Variants in CRYBA4 observed in about 807,000 individuals in gnomAD.
CRYBA4 encodes the protein crystallin beta A4.
In CRYBA4, 30 loss-of-function variants were observed where a neutral mutation model predicts 31.7. The observed-to-expected ratio is 0.95, with a 90% confidence interval of 0.71 to 1.28. CRYBA4 has a LOEUF of 1.28. Among genes scored for constraint, CRYBA4 ranks in the 50% most tolerant of loss-of-function variants. CRYBA4 has a pLI of 0.00. For synonymous variants in CRYBA4, 102 were observed against 102.3 expected (o/e 1.00, Z 0.02); for missense variants, 225 against 260.7 (o/e 0.86, Z 0.94).
intron 5 of CRYBA4, 52 bp downstream of exon 5, chr22:26,628,482 A>G (rs975187653): frequency 8.1e-6 from 13 of 1,605,468 alleles, no homozygotes; most frequent in Non-Finnish European, 1.1e-5. Context: ...TGGGAGGGGT[A>G]GGTGTACCTC....
the CRYBA4 span, among the ~76,000 whole-genome samples, chr22:26,602,965 T>C: frequency 6.6e-6 from 1 of 150,586 alleles, no homozygotes; most frequent in African/African-American, 2.4e-5. Context: ...CTACTAAAAA[T>C]ACAAAAAAAA....
the CRYBA4 span, among the ~76,000 whole-genome samples, chr22:26,600,075 G>A: frequency 6.6e-6 from 1 of 152,244 alleles, no homozygotes; most frequent in South Asian, 2.1e-4. Flanking sequence ...TAACAATGAA[G>A]CAAATGAAAG....
intron 4 of CRYBA4, among the ~76,000 whole-genome samples, chr22:26,627,718 G>A (rs1299870882): frequency 2.0e-5 from 3 of 149,002 alleles, no homozygotes; most frequent in East Asian, 2.0e-4. Flanking sequence ...CCACAATCTC[G>A]GCTCACTGCA....
At chr22:26,599,644 C>CG in the CRYBA4 span, 1 of 1,614,130 alleles carries the variant, frequency 6.2e-7, no homozygotes, top group Non-Finnish European at 8.5e-7. Flanking sequence ...CTGGTACCCG[C>CG]GGTAGCCAGG....
chr22:26,611,664 C>T, the CRYBA4 span, among the ~76,000 whole-genome samples: 10 of 151,972 alleles, frequency 6.6e-5, no homozygotes, highest in African/African-American at 1.7e-4. Flanking sequence ...TTAGTAGAGA[C>T]GGGGTTTCAC....
the CRYBA4 span, among the ~76,000 whole-genome samples, chr22:26,610,399 GGCCCGTTTCCAT>G: frequency 6.6e-6 from 1 of 152,130 alleles, no homozygotes; most frequent in South Asian, 2.1e-4. Flanking sequence ...CCGGACCACA[GGCCCGTTTCCAT>G]GCCCATCAGG....
intron 5 of CRYBA4, among the ~76,000 whole-genome samples, chr22:26,629,211 A>C (rs1384692396): frequency 2.0e-5 from 3 of 151,818 alleles, no homozygotes; most frequent in African/African-American, 7.3e-5. Context: ...CATCAGAACC[A>C]CTTTCTGAGG....
chr22:26,594,395 C>T, the CRYBA4 span, among the ~76,000 whole-genome samples: 4 of 152,178 alleles, frequency 2.6e-5, no homozygotes, highest in East Asian at 1.9e-4. Flanking sequence ...ACACTGCCGG[C>T]GTTGGGCTTA....
At chr22:26,613,796 C>G in the CRYBA4 span, among the ~76,000 whole-genome samples, 2 of 152,234 alleles carry the variant, frequency 1.3e-5, no homozygotes, top group African/African-American at 2.4e-5. Flanking sequence ...ACCTTAAACT[C>G]TGACCGCCAG....
the CRYBA4 span, among the ~76,000 whole-genome samples, chr22:26,592,817 G>A: frequency 1.3e-5 from 2 of 152,186 alleles, no homozygotes; most frequent in Non-Finnish European, 2.9e-5. Flanking sequence ...AATAATTCAG[G>A]AACCCAGAGA....
chr22:26,627,937 C>G (rs762570093), intron 4 of CRYBA4, among the ~76,000 whole-genome samples: 2 of 152,126 alleles, frequency 1.3e-5, no homozygotes, highest in Non-Finnish European at 2.9e-5. Flanking sequence ...CGTGAGCCAC[C>G]GCGCCGGGCC....
At chr22:26,607,321 T>C in the CRYBA4 span, among the ~76,000 whole-genome samples, 1 of 152,190 alleles carries the variant, frequency 6.6e-6, no homozygotes, top group East Asian at 1.9e-4. Context: ...CATGCCCGGC[T>C]ACAATATCCC....
At chr22:26,595,502 C>G in the CRYBA4 span, among the ~76,000 whole-genome samples, 1 of 151,690 alleles carries the variant, frequency 6.6e-6, no homozygotes, top group African/African-American at 2.4e-5. Flanking sequence ...TCGCTTGAAC[C>G]TGGGAGGCGG....
the CRYBA4 span, among the ~76,000 whole-genome samples, chr22:26,604,350 G>A: frequency 1.4e-4 from 21 of 152,256 alleles, no homozygotes; most frequent in African/African-American, 3.9e-4. Flanking sequence ...TACCCAGTAC[G>A]TAGTTGGTGC....
the CRYBA4 span, among the ~76,000 whole-genome samples, chr22:26,607,019 CTTTT>C: frequency 1.8e-5 from 2 of 111,954 alleles, no homozygotes; most frequent in Middle Eastern, 4.3e-3. Context: ...TATCCCTCTC[CTTTT>C]TTTTTTTTTT....
At chr22:26,612,084 A>G in the CRYBA4 span, 2 of 1,612,898 alleles carry the variant, frequency 1.2e-6, no homozygotes, top group African/African-American at 1.3e-5. Flanking sequence ...TCCCGCGGAG[A>G]CAATGATGCT....
the CRYBA4 span, chr22:26,616,250 T>A: frequency 5.6e-6 from 9 of 1,613,694 alleles, no homozygotes; most frequent in African/African-American, 1.3e-5. Flanking sequence ...GGGGCCCCCT[T>A]CCCCTTGGTG....
At chr22:26,618,180 T>G (rs1602334602), upstream of CRYBA4, 1 of 153,116 alleles carries the variant, frequency 6.5e-6, no homozygotes, top group African/African-American at 2.4e-5. Flanking sequence ...CAGCAGCACT[T>G]TCCTTTGTGA....
chr22:26,598,106 C>T, the CRYBA4 span, among the ~76,000 whole-genome samples: 1 of 152,104 alleles, frequency 6.6e-6, no homozygotes, highest in Non-Finnish European at 1.5e-5. Context: ...TGGTCTCGAA[C>T]TCCTGACCTC....
Sources: allele counts gnomAD v4.1 joint callset (sites outside exome capture counted in the v4.1 genomes callset), GRCh38; gene constraint gnomAD v4.1.1; transcripts MANE v1.5; gene names NCBI Gene and HGNC (gene_info 2026-07-23, HGNC 2026-07-21).